ZMAT4: variants seen among roughly 807,000 people sequenced by gnomAD.
The protein encoded by ZMAT4 is zinc finger matrin-type 4.
In ZMAT4, 17 loss-of-function variants were observed where a neutral mutation model predicts 28.7. The ratio of observed to expected loss-of-function variants is 0.59; its 90% CI spans 0.41 to 0.89. The LOEUF is 0.89. ZMAT4 is among the 40% of genes least tolerant of loss of function. The pLI is 0.00. For missense variants in ZMAT4, 240 were observed against 283.8 expected (o/e 0.85, Z 1.11); for synonymous variants, 117 against 109.2 (o/e 1.07, Z -0.44).
intron 5 of ZMAT4, among the ~76,000 whole-genome samples, chr8:40,584,652 A>G (rs753187746): frequency 6.6e-6 from 1 of 151,860 alleles, no homozygotes; most frequent in East Asian, 1.9e-4. Flanking sequence ...TTTTTTTTTG[A>G]CATGGAGTCT....
At chr8:40,759,976 G>C (rs936828117) in intron 3 of ZMAT4, among the ~76,000 whole-genome samples, 2 of 152,002 alleles carry the variant, frequency 1.3e-5, no homozygotes, top group African/African-American at 4.8e-5. Flanking sequence ...TAACAAATCT[G>C]GACAAAATGC....
chr8:40,618,425 A>G (rs886810468), intron 5 of ZMAT4, among the ~76,000 whole-genome samples: 8 of 152,354 alleles, frequency 5.3e-5, no homozygotes, highest in African/African-American at 1.9e-4. Flanking sequence ...CCTTGACACC[A>G]GATATATTTC....
chr8:40,641,984 A>T (rs1807053190), intron 5 of ZMAT4, among the ~76,000 whole-genome samples: 2 of 152,280 alleles, frequency 1.3e-5, no homozygotes, highest in East Asian at 3.9e-4. Flanking sequence ...CTCTCTCTAA[A>T]ATGGCCTTAT....
chr8:40,763,478 C>T (rs577657570), intron 3 of ZMAT4, among the ~76,000 whole-genome samples: 4 of 152,200 alleles, frequency 2.6e-5, no homozygotes, highest in African/African-American at 7.2e-5. Flanking sequence ...ATTTAGAACA[C>T]GTGTGGAAAG....
At chr8:40,716,464 G>A (rs1810859925) in intron 3 of ZMAT4, among the ~76,000 whole-genome samples, 1 of 152,192 alleles carries the variant, frequency 6.6e-6, no homozygotes, top group Non-Finnish European at 1.5e-5. Flanking sequence ...GGCCGAGGCA[G>A]GCAGATCACC....
At chr8:40,573,963 A>G (rs1804181204) in intron 6 of ZMAT4, among the ~76,000 whole-genome samples, 1 of 152,186 alleles carries the variant, frequency 6.6e-6, no homozygotes, top group Non-Finnish European at 1.5e-5. Context: ...TTTCTTACCA[A>G]CACTTCTTTA....
intron 5 of ZMAT4, among the ~76,000 whole-genome samples, chr8:40,592,166 C>T (rs1020139039): frequency 1.3e-5 from 2 of 152,038 alleles, no homozygotes; most frequent in Non-Finnish European, 2.9e-5. Flanking sequence ...TTAGGGTGTC[C>T]CAAGTAAGGA....
chr8:40,647,062 G>C (rs557343192), intron 5 of ZMAT4, among the ~76,000 whole-genome samples: 7 of 152,120 alleles, frequency 4.6e-5, no homozygotes, highest in Admixed American at 6.5e-5. Context: ...TGAGAGTCTG[G>C]GGGGAGGAGC....
chr8:40,601,507 A>AAGAAAGAAAGAGAGAAAG (rs1563360205), intron 5 of ZMAT4, among the ~76,000 whole-genome samples: 1 of 143,238 alleles, frequency 7.0e-6, no homozygotes, highest in African/African-American at 2.6e-5. Flanking sequence ...GAAAGAAAGA[A>AAGAAAGAAAGAGAGAAAG]AGAGAAAGAG....
At chr8:40,781,789 A>AAAAAAAAAAAAAAAAAAAAAAAAC (rs1563480296) in intron 2 of ZMAT4, among the ~76,000 whole-genome samples, 2 of 147,848 alleles carry the variant, frequency 1.4e-5, no homozygotes, top group African/African-American at 5.1e-5. Flanking sequence ...AAAAAAAAAA[A>AAAAAAAAAAAAAAAAAAAAAAAAC]AAGAAAAGAA....
chr8:40,615,647 A>G (rs892970224), intron 5 of ZMAT4, among the ~76,000 whole-genome samples: 5 of 151,834 alleles, frequency 3.3e-5, no homozygotes, highest in African/African-American at 1.2e-4. Flanking sequence ...TTTTTCTCTA[A>G]ACTTCTCTTC....
chr8:40,601,399 GGAAAGAAA>G (rs61338699), intron 5 of ZMAT4, among the ~76,000 whole-genome samples: 1 of 45,766 alleles, frequency 2.2e-5, no homozygotes, highest in Non-Finnish European at 4.8e-5. Context: ...GAAGGAAGGA[GGAAAGAAA>G]GGAAGGAAGG....
intron 5 of ZMAT4, among the ~76,000 whole-genome samples, chr8:40,629,160 T>C (rs892657296): frequency 2.0e-5 from 3 of 151,972 alleles, no homozygotes; most frequent in Non-Finnish European, 1.5e-5. Flanking sequence ...GCCTCTTTTA[T>C]TTCTGCATTT....
At chr8:40,542,376 TTTTA>T (rs537222877) in intron 6 of ZMAT4, among the ~76,000 whole-genome samples, 2 of 151,902 alleles carry the variant, frequency 1.3e-5, no homozygotes, top group African/African-American at 2.4e-5. Context: ...TTTAATTTTG[TTTTA>T]TTTATTTATT....
chr8:40,645,843 A>G (rs140257785), intron 5 of ZMAT4, among the ~76,000 whole-genome samples: 58 of 152,298 alleles, frequency 3.8e-4, no homozygotes, highest in African/African-American at 1.3e-3. Context: ...TCACAGTTGT[A>G]TGTATATAAC....
intron 3 of ZMAT4, among the ~76,000 whole-genome samples, chr8:40,746,759 AC>A (rs1239824495): frequency 2.0e-5 from 3 of 152,112 alleles, no homozygotes; most frequent in Non-Finnish European, 4.4e-5. Context: ...TCTGGCTCCT[AC>A]CATATTGGTC....
intron 6 of ZMAT4, among the ~76,000 whole-genome samples, chr8:40,569,577 C>A (rs1804028087): frequency 6.6e-6 from 1 of 152,170 alleles, no homozygotes; most frequent in African/African-American, 2.4e-5. Context: ...TCCCTCTTAC[C>A]CATCCCTGTT....
chr8:40,572,057 C>T (rs142978134), intron 6 of ZMAT4, among the ~76,000 whole-genome samples: 3 of 152,236 alleles, frequency 2.0e-5, no homozygotes, highest in African/African-American at 7.2e-5. Flanking sequence ...AAGAGAACAT[C>T]TTCTCAGGAT....
intron 5 of ZMAT4, among the ~76,000 whole-genome samples, chr8:40,638,423 G>A (rs956533884): frequency 6.6e-6 from 1 of 152,206 alleles, no homozygotes; most frequent in Non-Finnish European, 1.5e-5. Flanking sequence ...ATGAGAGATA[G>A]AGTCTTTCAT....
Sources: allele counts gnomAD v4.1 joint callset (sites outside exome capture counted in the v4.1 genomes callset), GRCh38; gene constraint gnomAD v4.1.1; transcripts MANE v1.5; gene names NCBI Gene and HGNC (gene_info 2026-07-23, HGNC 2026-07-21).